Variants in UNC5D observed in about 807,000 individuals in gnomAD.
The protein encoded by UNC5D is netrin receptor UNC5D.
In UNC5D, 39 loss-of-function variants were observed where a neutral mutation model predicts 105.4. That is an observed-to-expected ratio of 0.37 (90% CI 0.29 to 0.48). UNC5D has a LOEUF of 0.48. Among genes scored for constraint, UNC5D ranks in the 20% least tolerant of loss-of-function variants. The pLI is 0.98. For missense variants in UNC5D, 991 were observed against 1,202.4 expected (o/e 0.82, Z 2.60); for synonymous variants, 452 against 450.4 (o/e 1.00, Z -0.04).
intron 3 of UNC5D, among the ~76,000 whole-genome samples, chr8:35,577,028 A>G (rs960780206): frequency 2.0e-5 from 3 of 152,152 alleles, no homozygotes; most frequent in Non-Finnish European, 4.4e-5. Flanking sequence ...ACATTTTACT[A>G]TGTTAGCGTG....
At chr8:35,572,157 ATGT>A (rs1563547661) in intron 3 of UNC5D, among the ~76,000 whole-genome samples, 1 of 151,398 alleles carries the variant, frequency 6.6e-6, no homozygotes, top group Non-Finnish European at 1.5e-5. Context: ...GCACAGTGGC[ATGT>A]GCCTGTGGTC....
intron 4 of UNC5D, among the ~76,000 whole-genome samples, chr8:35,610,912 C>T (rs1211199355): frequency 6.8e-6 from 1 of 146,008 alleles, no homozygotes; most frequent in Admixed American, 7.2e-5. Flanking sequence ...TGGCTACTAA[C>T]TTTGTAATGC....
intron 1 of UNC5D, among the ~76,000 whole-genome samples, chr8:35,432,463 C>T (rs1329480126): frequency 6.6e-6 from 1 of 152,128 alleles, no homozygotes; most frequent in Non-Finnish European, 1.5e-5. Context: ...GTCCAGGGTG[C>T]TGAAAAGCCC....
intron 1 of UNC5D, among the ~76,000 whole-genome samples, chr8:35,375,504 G>A (rs575223956): frequency 2.0e-5 from 3 of 152,190 alleles, no homozygotes; most frequent in African/African-American, 7.2e-5. Flanking sequence ...AAAGGAACGT[G>A]AGTTACAGTT....
At chr8:35,335,757 T>G (rs983646431) in intron 1 of UNC5D, among the ~76,000 whole-genome samples, 3 of 11,596 alleles carry the variant, frequency 2.6e-4, no homozygotes, top group Non-Finnish European at 6.2e-4. Context: ...GAGATTGCAA[T>G]TTTTTTTTTT....
chr8:35,641,391 A>T (rs983578659), intron 4 of UNC5D, among the ~76,000 whole-genome samples: 4 of 151,232 alleles, frequency 2.6e-5, no homozygotes, highest in African/African-American at 2.4e-5. Flanking sequence ...AAAAAGAAAA[A>T]AAAAAACAGC....
In UNC5D at chr8:35,544,595, G is replaced by GTTTTTT. The variant is rs775831187; in HGVS notation, c.104-4677_104-4672dup. 2.3e-3 allele frequency: 1,310 copies of GTTTTTT among 572,466 alleles called. 1 individual carries two copies. The highest frequency in any genetic ancestry group is 3.7e-3 in the African/African-American group (103 of 28,082). The allele number at this position is 572,466 out of a possible 1,614,324, so 35.5% of individuals were successfully genotyped here. ...CAACCACACCTATTCTTTCGTTTTC[G>GTTTTTT]TTTTTTTTTTTTTTTTTTTTTTTTT... is the stretch of plus-strand genomic sequence containing the variant. On this transcript the variant is annotated intron_variant, in intron 1 of 16. Transcript: ENST00000404895.
At chr8:35,485,273 T>A (rs2130029089) in intron 1 of UNC5D, among the ~76,000 whole-genome samples, 1 of 152,272 alleles carries the variant, frequency 6.6e-6, no homozygotes, top group Admixed American at 6.5e-5. Flanking sequence ...TAATAATTGT[T>A]CCTACATCTG....
intron 3 of UNC5D, among the ~76,000 whole-genome samples, chr8:35,593,368 G>A (rs1819296560): frequency 6.6e-6 from 1 of 152,136 alleles, no homozygotes; most frequent in Non-Finnish European, 1.5e-5. Context: ...ATTAATTGGT[G>A]TCAAAATTGG....
chr8:35,244,215 C>G (rs1192847567), intron 1 of UNC5D, among the ~76,000 whole-genome samples: 1 of 152,158 alleles, frequency 6.6e-6, no homozygotes, highest in Non-Finnish European at 1.5e-5. Context: ...CAAAGTCGAA[C>G]AAACCTAAAC....
At chr8:35,339,334 C>T (rs1811282837) in intron 1 of UNC5D, among the ~76,000 whole-genome samples, 1 of 152,096 alleles carries the variant, frequency 6.6e-6, no homozygotes, top group Admixed American at 6.6e-5. Flanking sequence ...CAAATAAGTC[C>T]TATATGATGG....
intron 4 of UNC5D, among the ~76,000 whole-genome samples, chr8:35,657,108 A>ATG (rs1334533712): frequency 3.5e-5 from 4 of 113,804 alleles, no homozygotes; most frequent in Non-Finnish European, 5.8e-5. Context: ...ATATATATAT[A>ATG]TATATATATA....
rs1803104963 is a variant in UNC5D, at chr8:35,792,883, G to GATTTTCCCTCAAATCTATCTAGATT, written c.*2326_*2350dup. ...TTTTAAATAGATGAAAATTCTAAAT[G>GATTTTCCCTCAAATCTATCTAGATT]ATTTTCCCTCAAATCTATCTAGATT... On this transcript the variant is annotated 3_prime_UTR_variant, in exon 17 of 17. Transcript: ENST00000404895. The GATTTTCCCTCAAATCTATCTAGATT allele has an allele frequency of 2.7e-6, 1 of 373,378 alleles. No individual in the cohort carries two copies. The highest frequency in any genetic ancestry group is 5.1e-6 in the Non-Finnish European group (1 of 194,792). 23.1% of individuals were successfully genotyped at this position (373,378 alleles called of 1,614,324 possible). A position where few individuals can be genotyped will look rare whatever the true frequency, so the allele number is the denominator to read the frequency against.
At chr8:35,411,946 C>T (rs1045856048) in intron 1 of UNC5D, among the ~76,000 whole-genome samples, 9 of 152,058 alleles carry the variant, frequency 5.9e-5, no homozygotes, top group African/African-American at 2.2e-4. Context: ...TATGTCACCT[C>T]ATGTCCTCGC....
intron 2 of UNC5D, among the ~76,000 whole-genome samples, chr8:35,554,201 G>A (rs1036323315): frequency 1.3e-5 from 2 of 152,110 alleles, no homozygotes; most frequent in African/African-American, 4.8e-5. Context: ...GGTCTTTCTG[G>A]TAATTTGGCC....
intron 1 of UNC5D, among the ~76,000 whole-genome samples, chr8:35,289,294 C>G (rs960993125): frequency 6.6e-6 from 1 of 152,112 alleles, no homozygotes; most frequent in Admixed American, 6.5e-5. Context: ...GGAGTTAATT[C>G]ATCAAGCAGA....
At chr8:35,607,663 A>C (rs1282964950) in intron 4 of UNC5D, among the ~76,000 whole-genome samples, 4 of 152,080 alleles carry the variant, frequency 2.6e-5, no homozygotes, top group Non-Finnish European at 5.9e-5. Context: ...GATATTTAAT[A>C]GTTTTATAAG....
intron 1 of UNC5D, among the ~76,000 whole-genome samples, chr8:35,308,488 A>AT (rs767620573): frequency 1.6e-4 from 25 of 152,116 alleles, no homozygotes; most frequent in Non-Finnish European, 2.9e-4. Context: ...CTAATTACTT[A>AT]TTTTTGAAAT....
intron 1 of UNC5D, among the ~76,000 whole-genome samples, chr8:35,539,835 G>A (rs1815140397): frequency 6.6e-6 from 1 of 152,080 alleles, no homozygotes; most frequent in Admixed American, 6.5e-5. Context: ...ATTTAATGTT[G>A]TTTGTTCCTT....
Sources: gnomAD v4.1 joint callset for allele counts (sites outside exome capture counted in the v4.1 genomes callset) on GRCh38, gnomAD v4.1.1 for gene constraint, MANE v1.5 for transcripts, NCBI Gene and HGNC (gene_info 2026-07-23, HGNC 2026-07-21) for gene names.